Variants in MDN1 observed in about 807,000 individuals in gnomAD.
MDN1 encodes the protein midasin AAA ATPase 1.
A neutral mutation model predicts 669.2 loss-of-function variants in MDN1; 266 were observed. The ratio of observed to expected loss-of-function variants is 0.40; its 90% confidence interval spans 0.36 to 0.44. MDN1 has a LOEUF of 0.44. Ranked by LOEUF, MDN1 falls within the 20% of genes least tolerant of loss-of-function variation. The pLI, the probability that MDN1 is intolerant of heterozygous loss-of-function variation, is 1.00. For synonymous variants in MDN1, 2,385 were observed against 2,457.1 expected, an observed-to-expected ratio of 0.97 and a Z score of 0.87; for missense variants, 5,940 against 6,754.0, an observed-to-expected ratio of 0.88 and a Z score of 4.22.
chr6:89,660,316 C>T (rs1809641421), intron 88 of MDN1, among the ~76,000 whole-genome samples: 1 of 152,110 alleles, frequency 6.6e-6, no homozygotes, highest in African/African-American at 2.4e-5. Flanking sequence ...TCCTGAGGAG[C>T]TGGGACTACA....
At chr6:89,676,850 G>A (rs1811226715) in intron 76 of MDN1, among the ~76,000 whole-genome samples, 3 of 152,184 alleles carry the variant, frequency 2.0e-5, no homozygotes. Flanking sequence ...GTTGTAAACA[G>A]AGGTAGCTCT....
chr6:89,713,939 T>A (rs1262169311), intron 46 of MDN1, among the ~76,000 whole-genome samples: 3 of 150,820 alleles, frequency 2.0e-5, no homozygotes, highest in African/African-American at 7.3e-5. Context: ...TCGGAGAGGC[T>A]GAGGCAGAAG....
At chr6:89,741,024 G>A (rs1303626970) in intron 31 of MDN1, among the ~76,000 whole-genome samples, 1 of 152,180 alleles carries the variant, frequency 6.6e-6, no homozygotes. Context: ...TTGAGGCCAG[G>A]AGTTGGAGAC....
intron 22 of MDN1, 49 bp downstream of exon 22, chr6:89,753,463 T>G: frequency 7.3e-7 from 1 of 1,373,750 alleles, no homozygotes; most frequent in African/African-American, 1.5e-5. Context: ...GAAAATTTGG[T>G]AATTCAGCCT....
At chr6:89,751,194 AGAT>A (rs1389088914) in intron 23 of MDN1, among the ~76,000 whole-genome samples, 1 of 152,228 alleles carries the variant, frequency 6.6e-6, no homozygotes, top group Non-Finnish European at 1.5e-5. Flanking sequence ...AAATAACAAA[AGAT>A]AACTTTAAAG....
chr6:89,678,527 A>C, intron 75 of MDN1, 72 bp downstream of exon 75: 2 of 1,540,540 alleles, frequency 1.3e-6, no homozygotes, highest in Non-Finnish European at 1.8e-6. Flanking sequence ...ATTTCCCCCA[A>C]AATCAGTCAT....
At chr6:89,650,971 C>CT (rs1808812208) in intron 95 of MDN1, 124 bp from the exon 96 acceptor site, 5 of 647,952 alleles carry the variant, frequency 7.7e-6, no homozygotes, top group East Asian at 5.7e-5. Flanking sequence ...AACAGAAGCA[C>CT]TTTAAATCTT....
At chr6:89,757,172 G>A (rs1442817457) in intron 19 of MDN1, among the ~76,000 whole-genome samples, 2 of 151,956 alleles carry the variant, frequency 1.3e-5, no homozygotes, top group Non-Finnish European at 2.9e-5. Context: ...TGAAGTAAAC[G>A]GTTACCAACA....
Position 89,652,289 on chromosome 6 carries a change from G to A in MDN1, c.15826-8C>T, listed in dbSNP as rs780864558. The A allele has an allele frequency of 1.2e-5, 19 of 1,610,924 alleles. No homozygotes were observed. The highest frequency in any genetic ancestry group is 2.7e-5 in the African/African-American group (2 of 74,670). ...GACATCTTTTAAAAAGGGCTAAAAA[G>A]AAAAAGCCATAGATAAGAGGTGGCC... On this transcript the variant is annotated splice_region_variant and splice_polypyrimidine_tract_variant and intron_variant, in intron 94 of 101. Coordinates refer to ENST00000369393, the MANE Select transcript of MDN1 (RefSeq NM_014611.3).
rs199956403 is a variant in MDN1 at position 89,685,810 on chromosome 6, G to A, written c.11719+17C>T. The A allele has an allele frequency of 7.4e-4, 1,186 of 1,602,558 alleles. 2 individuals are homozygous for A. The highest frequency in any genetic ancestry group is 9.3e-4 in the Non-Finnish European group (1,096 of 1,175,070). ...TTAGTCGTGCAATGTCAAAGGAAAGGAAAAAAAAATCCTCACCCTTTCCTT... is the reference window on the plus strand; with the variant it reads ...TTAGTCGTGCAATGTCAAAGGAAAGAAAAAAAAAATCCTCACCCTTTCCTT... On this transcript the variant is annotated intron_variant, in intron 70 of 101. Coordinates refer to ENST00000369393, the MANE Select transcript of MDN1 (RefSeq NM_014611.3).
At chr6:89,819,175 AG>A in intron 1 of MDN1, among the ~76,000 whole-genome samples, 1 of 152,352 alleles carries the variant, frequency 6.6e-6, no homozygotes, top group East Asian at 1.9e-4. Context: ...TCAAAACGGC[AG>A]AAACGCAACC....
At chr6:89,768,193 T>C (rs1448333328) in intron 15 of MDN1, among the ~76,000 whole-genome samples, 1 of 152,114 alleles carries the variant, frequency 6.6e-6, no homozygotes, top group Non-Finnish European at 1.5e-5. Context: ...TGATATGGTT[T>C]GGCTGTGTCC....
chr6:89,694,328 A>G, intron 61 of MDN1, 145 bp from the exon 62 acceptor site: 1 of 657,090 alleles, frequency 1.5e-6, no homozygotes, highest in Admixed American at 2.5e-5. Context: ...TGCTCCATTA[A>G]TCTACACCAC....
Position 89,722,963 on chromosome 6 carries a change from T to G in MDN1, c.5959A>C (p.Lys1987Gln), listed in dbSNP as rs1166194449. The G allele has an allele frequency of 1.1e-5, 17 of 1,606,770 alleles. No homozygotes were observed. The highest frequency in any genetic ancestry group is 2.2e-5 in the South Asian group (2 of 89,450). ...CCAAGCGTGAAACTCACCTTTTTTT[T>G]GTCCTCTTCGGTTCTCATTCTTTCA... ...YGERMRTEED[K>Q]KKVIAVFKDV... Residue 1987 changes from lysine (K) to glutamine (Q), a missense_variant, in exon 40 of 102, where the codon AAA (lysine) becomes CAA (glutamine). By Grantham distance (53) the Lys-to-Gln change is moderately conservative. Around this residue, in one of 5 missense-constraint regions of MDN1, gnomAD observed 2,292 missense variants for 2,638.3 expected, o/e 0.87. Coordinates refer to ENST00000369393, the MANE Select transcript of MDN1 (RefSeq NM_014611.3).
chr6:89,806,629 A>T (rs1313194260), intron 1 of MDN1, among the ~76,000 whole-genome samples: 1 of 152,124 alleles, frequency 6.6e-6, no homozygotes, highest in Non-Finnish European at 1.5e-5. Flanking sequence ...GGGGCAGGAA[A>T]ACGGCTTGAA....
rs1352278350 is a variant in MDN1 at position 89,715,732 on chromosome 6, G to A, written c.6781C>T (p.Pro2261Ser). The change falls in exon 45 of 102, where the codon CCC (proline) becomes TCC (serine). Residue 2261 changes from proline to serine, a missense_variant. Coordinates refer to ENST00000369393, the MANE Select transcript of MDN1 (RefSeq NM_014611.3). ...VLDRLNALLE[P>S]GGVLTISERG... Reference sequence around the variant, plus strand: ...TCACTAATAGTGAGGACACCTCCGGGTTCAAGCAAAGCATTCAAACGATCC... The same window carrying A: ...TCACTAATAGTGAGGACACCTCCGGATTCAAGCAAAGCATTCAAACGATCC... The A allele has an allele frequency of 1.2e-6, 2 of 1,613,786 alleles. No homozygotes were observed. Among genetic ancestry groups the A allele is most frequent in the Non-Finnish European group, 1.7e-6 (2 of 1,179,686 alleles).
chr6:89,784,423 T>A lies in MDN1; in HGVS notation c.1449+589A>T, dbSNP rs1331775457. Among the ~76,000 whole-genome samples the A allele has an allele frequency of 5.9e-5, 9 of 152,252 alleles. No homozygotes were observed. In the East Asian group the frequency reaches 1.7e-3, roughly 29 times the overall value. On this transcript the variant is annotated intron_variant, in intron 9 of 101. Transcript: ENST00000369393. Reference sequence around the variant, plus strand: ...GAAAAGCATCTCTTCCATGTCTGAATGACCACTGACAATGCTTTGTCTGCC... The same window carrying A: ...GAAAAGCATCTCTTCCATGTCTGAAAGACCACTGACAATGCTTTGTCTGCC...
At position 89,700,313 on chromosome 6, in the gene MDN1, G is replaced by T; in HGVS notation, c.8639-19C>A. 1 of 1,581,302 alleles carries T rather than the reference G, an allele frequency of 6.3e-7. No individual in the cohort carries two copies. Among genetic ancestry groups the T allele is most frequent in the Non-Finnish European group, 8.7e-7 (1 of 1,150,494 alleles). On this transcript the variant is annotated intron_variant, in intron 56 of 101. Coordinates refer to ENST00000369393, the MANE Select transcript of MDN1 (RefSeq NM_014611.3). ...AATTCATCTGGACAAAAAGACAAAT[G>T]TTGTATGAGAGCACAATGGTTAAGA... is the stretch of plus-strand genomic sequence containing the variant.
At chr6:89,734,101 A>G (rs372810490) in intron 33 of MDN1, among the ~76,000 whole-genome samples, 9 of 152,162 alleles carry the variant, frequency 5.9e-5, no homozygotes, top group African/African-American at 2.2e-4. Flanking sequence ...CCTGGCCAAC[A>G]TGGTGAAACC....
Sources: gnomAD v4.1 joint callset for allele counts (sites outside exome capture counted in the v4.1 genomes callset) on GRCh38, gnomAD v4.1.1 for gene constraint, gnomAD v4.1.1 regional missense constraint, MANE v1.5 for transcripts, NCBI Gene and HGNC (gene_info 2026-07-23, HGNC 2026-07-21) for gene names.